The following HMBOX1 variants were observed in gnomAD, a reference collection of about 807,000 sequenced individuals.
The protein encoded by HMBOX1 is homeobox-containing protein 1.
HMBOX1 carries 14 observed loss-of-function variants against 54.5 expected under a neutral mutation model. The ratio of observed to expected loss-of-function variants is 0.26; its 90% CI spans 0.17 to 0.40. The LOEUF is 0.40. Among genes scored for constraint, HMBOX1 ranks in the 10% least tolerant of loss-of-function variants. The pLI is 1.00. For synonymous variants in HMBOX1, 160 were observed against 181.0 expected (o/e 0.88, Z 0.93); for missense variants, 332 against 514.4 (o/e 0.65, Z 3.43).
chr8:28,960,713 TA>T (rs1281988200), intron 1 of HMBOX1, among the ~76,000 whole-genome samples: 1 of 149,124 alleles, frequency 6.7e-6, no homozygotes, highest in Non-Finnish European at 1.5e-5. Flanking sequence ...ATCTTGGTCA[TA>T]AACTGTATAT....
At chr8:28,906,527 T>G (rs2131617662) in intron 1 of HMBOX1, among the ~76,000 whole-genome samples, 1 of 152,354 alleles carries the variant, frequency 6.6e-6, no homozygotes, top group Admixed American at 6.5e-5. Context: ...TCCTCTCACT[T>G]TTCAAACATG....
chr8:29,049,524 G>C (rs1806124665), intron 9 of HMBOX1: 36 of 1,365,240 alleles, frequency 2.6e-5, no homozygotes, highest in Non-Finnish European at 3.4e-5. Flanking sequence ...CACTGCAGTG[G>C]GAACCCTCCT....
At chr8:28,891,363 C>T (rs963424501) in intron 1 of HMBOX1, 4 of 152,310 alleles carry the variant, frequency 2.6e-5, no homozygotes, top group African/African-American at 9.7e-5. Context: ...TTTGCATCCT[C>T]AAGTCGGTAG....
rs540183525 is a variant in HMBOX1 at position 28,992,390 on chromosome 8, G to A, written c.586+12234G>A. On this transcript the variant is annotated intron_variant, in intron 4 of 9. Transcript: ENST00000287701. ...ATTATAATTGCTTAATTTTCAGCAG[G>A]CAATCATTTTTCATTCATGTCTCTC... Among the ~76,000 whole-genome samples, 31 of 152,256 alleles carry A rather than the reference G, an allele frequency of 2.0e-4. No individual in the cohort carries two copies. In the South Asian group the frequency reaches 5.8e-3, roughly 29 times the overall value.
intron 4 of HMBOX1, among the ~76,000 whole-genome samples, chr8:29,003,554 A>AT (rs1459024221): frequency 1.7e-4 from 18 of 103,446 alleles, no homozygotes; most frequent in South Asian, 1.0e-3. Context: ...TTTCTGTATT[A>AT]AATATATATA....
intron 3 of HMBOX1, among the ~76,000 whole-genome samples, chr8:28,976,594 G>T (rs1828414413): frequency 6.6e-6 from 1 of 151,942 alleles, no homozygotes; most frequent in South Asian, 2.1e-4. Flanking sequence ...GCCCAGCTTT[G>T]TTAAATGACT....
chr8:28,954,983 A>G (rs565162801), intron 1 of HMBOX1, among the ~76,000 whole-genome samples: 51 of 152,216 alleles, frequency 3.4e-4, no homozygotes, highest in Non-Finnish European at 6.3e-4. Flanking sequence ...TCTTATTCCT[A>G]ATAGATTTTT....
intron 1 of HMBOX1, among the ~76,000 whole-genome samples, chr8:28,949,120 G>C (rs1311891658): frequency 6.6e-6 from 1 of 152,214 alleles, no homozygotes; most frequent in Non-Finnish European, 1.5e-5. Context: ...TAGTCCAGGA[G>C]ATAGTTTCCT....
At chr8:28,913,272 T>C (rs531642242) in intron 1 of HMBOX1, among the ~76,000 whole-genome samples, 1 of 152,364 alleles carries the variant, frequency 6.6e-6, no homozygotes, top group African/African-American at 2.4e-5. Flanking sequence ...TGTAAGACTC[T>C]CCAACATATT....
intron 1 of HMBOX1, among the ~76,000 whole-genome samples, chr8:28,945,166 A>T (rs1822202007): frequency 6.6e-6 from 1 of 152,250 alleles, no homozygotes; most frequent in Non-Finnish European, 1.5e-5. Flanking sequence ...AAACTTTCAA[A>T]GAGGCAAAAG....
chr8:28,972,786 G>C (rs1156404134), intron 3 of HMBOX1, among the ~76,000 whole-genome samples: 1 of 152,160 alleles, frequency 6.6e-6, no homozygotes, highest in Non-Finnish European at 1.5e-5. Context: ...CTCATAGCCT[G>C]ACATAATGTT....
intron 4 of HMBOX1, among the ~76,000 whole-genome samples, chr8:29,004,812 A>G (rs1024450521): frequency 1.3e-5 from 2 of 152,168 alleles, no homozygotes; most frequent in Admixed American, 6.5e-5. Flanking sequence ...GAGAAAAAGT[A>G]TCAAAGCTGA....
Position 29,051,870 on chromosome 8 carries a change from A to T in HMBOX1, c.*715A>T. The T allele has an allele frequency of 3.0e-6, 1 of 334,326 alleles. No homozygotes were observed. The highest frequency in any genetic ancestry group is 5.4e-6 in the Non-Finnish European group (1 of 184,510). The allele number at this position is 334,326 out of a possible 1,614,324, so 20.7% of individuals were successfully genotyped here. A position where few individuals can be genotyped will look rare whatever the true frequency, so the allele number is the denominator to read the frequency against. On this transcript the variant is annotated 3_prime_UTR_variant, in exon 10 of 10. Coordinates refer to ENST00000287701, the MANE Select transcript of HMBOX1 (RefSeq NM_001135726.3). ...GCCTTCTGCCTTTGGGACCATGATT[A>T]AAAACAAAGACAAAAACCAAAAGTC...
At chr8:28,999,537 C>A (rs1042092912) in intron 4 of HMBOX1, among the ~76,000 whole-genome samples, 1 of 152,050 alleles carries the variant, frequency 6.6e-6, no homozygotes, top group Admixed American at 6.5e-5. Context: ...CTAATGGTAT[C>A]CCACAGGTTT....
intron 1 of HMBOX1, among the ~76,000 whole-genome samples, chr8:28,906,672 C>T (rs1197981704): frequency 5.9e-5 from 9 of 152,162 alleles, no homozygotes; most frequent in Non-Finnish European, 1.3e-4. Flanking sequence ...TCACTGCAAC[C>T]TCCGCCTCCC....
intron 1 of HMBOX1, among the ~76,000 whole-genome samples, chr8:28,904,165 C>T (rs1410402623): frequency 5.9e-5 from 9 of 151,928 alleles, no homozygotes; most frequent in Non-Finnish European, 1.2e-4. Context: ...TTATGATTTC[C>T]AGTTTTTTTT....
intron 5 of HMBOX1, among the ~76,000 whole-genome samples, chr8:29,017,644 C>T (rs190617078): frequency 6.6e-6 from 1 of 152,176 alleles, no homozygotes; most frequent in East Asian, 1.9e-4. Context: ...GAGTGGGTAT[C>T]TATTTACTGA....
At chr8:28,995,284 C>T (rs760662629) in intron 4 of HMBOX1, among the ~76,000 whole-genome samples, 6 of 152,124 alleles carry the variant, frequency 3.9e-5, no homozygotes, top group African/African-American at 1.2e-4. Context: ...ACTTTTGTGT[C>T]GGGCTTCCTT....
intron 2 of HMBOX1, among the ~76,000 whole-genome samples, chr8:28,967,664 A>C (rs534970359): frequency 6.6e-6 from 1 of 152,348 alleles, no homozygotes; most frequent in South Asian, 2.1e-4. Context: ...TAACATGAAG[A>C]CTGAAAATAG....
Sources: gnomAD v4.1 joint callset for allele counts (sites outside exome capture counted in the v4.1 genomes callset) on GRCh38, gnomAD v4.1.1 for gene constraint, MANE v1.5 for transcripts, NCBI Gene and HGNC (gene_info 2026-07-23, HGNC 2026-07-21) for gene names.